Variants in ARHGAP17 observed in about 807,000 individuals in gnomAD.
ARHGAP17 encodes the protein Rho GTPase activating protein 17.
ARHGAP17 carries 57 observed loss-of-function variants against 99.5 expected under a neutral mutation model. The ratio of observed to expected loss-of-function variants is 0.57; its 90% CI spans 0.46 to 0.71. The LOEUF is 0.71. ARHGAP17 is among the 30% of genes least tolerant of loss of function. The pLI is 0.00. For missense variants in ARHGAP17, 1,000 were observed against 1,122.4 expected, an observed-to-expected ratio of 0.89 and a Z score of 1.56; for synonymous variants, 417 against 429.6, an observed-to-expected ratio of 0.97 and a Z score of 0.36.
In ARHGAP17 at chr16:24,931,324, T is replaced by A; in HGVS notation, c.1975A>T (p.Thr659Ser). The A allele has an allele frequency of 6.6e-7, 1 of 1,518,728 alleles. No homozygotes were observed. The highest frequency in any genetic ancestry group is 1.3e-5 in the South Asian group (1 of 75,610). 94.1% of individuals were successfully genotyped at this position (1,518,728 alleles called of 1,614,324 possible). A position where few individuals can be genotyped will look rare whatever the true frequency, so the allele number is the denominator to read the frequency against. ...GHPGGQSSSG[T>S]SQHPPSLSPK... ...GACAGACTGGGTGGATGCTGAGATGTTCCTGAAGAACTCTGGCCCCCGGGG... is the reference window on the plus strand; with the variant it reads ...GACAGACTGGGTGGATGCTGAGATGATCCTGAAGAACTCTGGCCCCCGGGG... Residue 659 changes from threonine to serine, a missense_variant, in exon 19 of 20, where the codon ACA becomes TCA. This residue lies in a region of ARHGAP17 where 528 missense variants were observed against 511.4 expected (regional missense o/e 1.03). Transcript: ENST00000289968.
In ARHGAP17 at chr16:24,920,062, AAG is replaced by A; in HGVS notation, c.*66_*67del. Reference sequence around the variant, plus strand: ...CTTTTCACTGTTCGGTCTGCAAAGAAAGAGGTTCGCCTGCCCCTGCTCCACTC... The same window carrying A: ...CTTTTCACTGTTCGGTCTGCAAAGAAAGGTTCGCCTGCCCCTGCTCCACTC... On this transcript the variant is annotated 3_prime_UTR_variant, in exon 20 of 20. Transcript: ENST00000289968. The A allele has an allele frequency of 1.9e-6, 3 of 1,581,898 alleles. No individual in the cohort carries two copies. In the Admixed American group the frequency reaches 5.2e-5, roughly 27 times the overall value.
At chr16:24,995,163 G>A (rs2053158176) in intron 1 of ARHGAP17, among the ~76,000 whole-genome samples, 1 of 152,258 alleles carries the variant, frequency 6.6e-6, no homozygotes, top group Middle Eastern at 3.4e-3. Context: ...ACCTCCCATG[G>A]GATCCCTTCC....
intron 1 of ARHGAP17, among the ~76,000 whole-genome samples, chr16:24,997,090 C>A (rs2053214812): frequency 6.6e-6 from 1 of 152,224 alleles, no homozygotes. Context: ...GCGCAAGGTG[C>A]CCAGTACACA....
intron 19 of ARHGAP17, chr16:24,929,766 A>G: frequency 1.9e-6 from 1 of 536,450 alleles, no homozygotes; most frequent in Non-Finnish European, 2.4e-6. Flanking sequence ...ACATGTGCAA[A>G]TTATGTATTA....
intron 5 of ARHGAP17, 32 bp from the exon 6 acceptor site, chr16:24,968,459 C>A: frequency 6.2e-7 from 1 of 1,611,158 alleles, no homozygotes; most frequent in Non-Finnish European, 8.5e-7. Context: ...ATGGGATGCA[C>A]TTCAGGGCTT....
chr16:24,982,086 C>T (rs1391638511), intron 1 of ARHGAP17, among the ~76,000 whole-genome samples: 1 of 133,286 alleles, frequency 7.5e-6, no homozygotes, highest in Non-Finnish European at 1.6e-5. Context: ...TTTAGATTTG[C>T]AGGCTTAGAT....
chr16:25,007,089 C>T (rs536277291), intron 1 of ARHGAP17, among the ~76,000 whole-genome samples: 4 of 152,304 alleles, frequency 2.6e-5, no homozygotes, highest in African/African-American at 4.8e-5. Flanking sequence ...CTTTTAACTC[C>T]TACTTTTTAA....
chr16:24,999,480 A>C (rs2053299089), intron 1 of ARHGAP17, among the ~76,000 whole-genome samples: 1 of 152,074 alleles, frequency 6.6e-6, no homozygotes, highest in South Asian at 2.1e-4. Flanking sequence ...GCAGGGGCAC[A>C]ATCATGACTC....
chr16:24,989,819 A>G (rs2052983811), intron 1 of ARHGAP17, among the ~76,000 whole-genome samples: 1 of 152,256 alleles, frequency 6.6e-6, no homozygotes, highest in South Asian at 2.1e-4. Context: ...ATAACGTCAT[A>G]AAAGTAGAGA....
At chr16:24,934,322 C>G (rs372875269) in intron 18 of ARHGAP17, among the ~76,000 whole-genome samples, 1 of 151,404 alleles carries the variant, frequency 6.6e-6, no homozygotes, top group African/African-American at 2.4e-5. Flanking sequence ...GCACCATGCC[C>G]GGCTAATTTT....
chr16:24,986,198 C>A (rs1242123744), intron 1 of ARHGAP17, among the ~76,000 whole-genome samples: 6 of 152,194 alleles, frequency 3.9e-5, no homozygotes, highest in Admixed American at 2.6e-4. Flanking sequence ...TGGGCTGGCA[C>A]TTACATCTAC....
intron 19 of ARHGAP17, among the ~76,000 whole-genome samples, chr16:24,925,292 C>A (rs946830203): frequency 6.6e-6 from 1 of 152,134 alleles, no homozygotes; most frequent in South Asian, 2.1e-4. Context: ...GGCAAGAGAA[C>A]TGCTTAAACC....
At chr16:25,006,646 T>C (rs1241943369) in intron 1 of ARHGAP17, among the ~76,000 whole-genome samples, 1 of 152,112 alleles carries the variant, frequency 6.6e-6, no homozygotes, top group Non-Finnish European at 1.5e-5. Context: ...TTGCAGGCCA[T>C]ATGGGTCACT....
At chr16:24,965,887 A>AT (rs144878837) in intron 6 of ARHGAP17, among the ~76,000 whole-genome samples, 4 of 152,186 alleles carry the variant, frequency 2.6e-5, no homozygotes, top group South Asian at 2.1e-4. Flanking sequence ...ACTTATTACC[A>AT]TTTTTTTCTC....
At chr16:24,942,239 C>T in intron 15 of ARHGAP17, 96 bp from the exon 16 acceptor site, 1 of 1,227,692 alleles carries the variant, frequency 8.1e-7, no homozygotes, top group Non-Finnish European at 1.1e-6. Context: ...CCTCGTTCTT[C>T]AGTCCACAGC....
chr16:24,935,736 A>C (rs755548414), intron 17 of ARHGAP17, 97 bp from the exon 18 acceptor site: 1 of 1,319,876 alleles, frequency 7.6e-7, no homozygotes, highest in Non-Finnish European at 1.1e-6. Context: ...CAGAGTTTTC[A>C]CTTCGGCAGG....
intron 11 of ARHGAP17, 78 bp downstream of exon 11, chr16:24,952,853 A>T: frequency 7.3e-7 from 1 of 1,366,674 alleles, no homozygotes; most frequent in Non-Finnish European, 1.0e-6. Flanking sequence ...ATTGGATTTT[A>T]ACTGACCATC....
intron 1 of ARHGAP17, among the ~76,000 whole-genome samples, chr16:24,996,421 A>G (rs986693167): frequency 1.6e-4 from 24 of 152,232 alleles, no homozygotes; most frequent in African/African-American, 4.8e-4. Flanking sequence ...GCATTTCATC[A>G]TATCTGGACA....
chr16:24,972,491 T>A (rs761537135), intron 3 of ARHGAP17: 1 of 152,054 alleles, frequency 6.6e-6, no homozygotes, highest in Non-Finnish European at 1.5e-5. Flanking sequence ...AAAATTATTT[T>A]CAAATAAATA....
Sources: gnomAD v4.1 joint callset for allele counts (sites outside exome capture counted in the v4.1 genomes callset) on GRCh38, gnomAD v4.1.1 for gene constraint, gnomAD v4.1.1 regional missense constraint, MANE v1.5 for transcripts, NCBI Gene and HGNC (gene_info 2026-07-23, HGNC 2026-07-21) for gene names.